The following TNNI3K variants were observed in gnomAD, a reference collection of about 807,000 sequenced individuals.
TNNI3K encodes the protein TNNI3 interacting kinase.
Under a neutral mutation model 114.5 loss-of-function variants are expected in TNNI3K, and 140 were observed. That is an observed-to-expected ratio of 1.22 (90% confidence interval 1.07 to 1.41). TNNI3K has a LOEUF of 1.41. Ranked by LOEUF, TNNI3K falls within the 40% of genes most tolerant of loss-of-function variation. The pLI, the probability that TNNI3K is intolerant of heterozygous loss-of-function variation, is 0.00. For missense variants in TNNI3K, 1,125 were observed against 1,007.6 expected, an observed-to-expected ratio of 1.12 and a Z score of -1.58; for synonymous variants, 347 against 347.5, an observed-to-expected ratio of 1.00 and a Z score of 0.02.
intron 5 of TNNI3K, among the ~76,000 whole-genome samples, chr1:74,293,263 G>T (rs1161244822): frequency 1.3e-5 from 2 of 151,562 alleles, no homozygotes; most frequent in Non-Finnish European, 3.0e-5. Context: ...CAAATATTAA[G>T]TGCCTGTATA....
At chr1:74,406,755 G>C (rs1217290312) in intron 17 of TNNI3K, among the ~76,000 whole-genome samples, 1 of 152,184 alleles carries the variant, frequency 6.6e-6, no homozygotes, top group Non-Finnish European at 1.5e-5. Flanking sequence ...GCCTACCACA[G>C]TTCCTATTAA....
intron 23 of TNNI3K, among the ~76,000 whole-genome samples, chr1:74,537,712 A>T (rs185254140): frequency 1.9e-4 from 29 of 152,242 alleles, no homozygotes; most frequent in Admixed American, 9.2e-4. Flanking sequence ...AATACAGATA[A>T]TTCTACCCTA....
chr1:74,332,957 A>C (rs929215863), intron 6 of TNNI3K, among the ~76,000 whole-genome samples: 1 of 19,292 alleles, frequency 5.2e-5, no homozygotes, highest in African/African-American at 9.1e-5. Flanking sequence ...TGAAAATAAC[A>C]AAAAAAAAAA....
At chr1:74,334,599 G>C (rs1173487723) in intron 6 of TNNI3K, among the ~76,000 whole-genome samples, 1 of 152,124 alleles carries the variant, frequency 6.6e-6, no homozygotes, top group African/African-American at 2.4e-5. Context: ...GTGACTCAAA[G>C]GAATTCCTAA....
At chr1:74,416,493 C>G in intron 17 of TNNI3K, 6 of 982,178 alleles carry the variant, frequency 6.1e-6, no homozygotes, top group Non-Finnish European at 7.3e-6. Flanking sequence ...AGGCTTTACA[C>G]TAGTAGGTGT....
In TNNI3K at chr1:74,380,204, C is replaced by T. The variant is rs79882464; in HGVS notation, c.1772+9812C>T. 6.3e-3 allele frequency among the ~76,000 whole-genome samples: 955 copies of T among 152,154 alleles called. 14 individuals carry two copies. The highest frequency in any genetic ancestry group is 0.022 in the African/African-American group (911 of 41,510). On this transcript the variant is annotated intron_variant, in intron 17 of 24. Transcript: ENST00000326637. Reference sequence around the variant, plus strand: ...ATGCCATTTGAAATGCTACACAAGACGATGTGTGTGTGCAAATAAATGTAT... The same window carrying T: ...ATGCCATTTGAAATGCTACACAAGATGATGTGTGTGTGCAAATAAATGTAT...
intron 4 of TNNI3K, among the ~76,000 whole-genome samples, chr1:74,265,508 A>G (rs995986975): frequency 6.6e-6 from 1 of 151,962 alleles, no homozygotes; most frequent in African/African-American, 2.4e-5. Context: ...CTGCCAGTGA[A>G]CTACCATCCT....
At chr1:74,494,130 G>T (rs1256055805) in intron 23 of TNNI3K, among the ~76,000 whole-genome samples, 2 of 152,032 alleles carry the variant, frequency 1.3e-5, no homozygotes, top group African/African-American at 4.8e-5. Context: ...CTCCGTCCAC[G>T]TGAGCACCAA....
At chr1:74,328,919 C>T (rs1660055554) in intron 5 of TNNI3K, among the ~76,000 whole-genome samples, 2 of 152,048 alleles carry the variant, frequency 1.3e-5, no homozygotes, top group South Asian at 2.1e-4. Context: ...GCTTAATCTA[C>T]CTTGATTGCT....
At chr1:74,341,766 T>G (rs1224106666) in intron 7 of TNNI3K, 1 of 152,080 alleles carries the variant, frequency 6.6e-6, no homozygotes, top group Non-Finnish European at 1.5e-5. Flanking sequence ...CTGCCACCCT[T>G]GCTAGGCACA....
chr1:74,447,364 A>C lies in TNNI3K; in HGVS notation c.2011+7742A>C, dbSNP rs183511450. Among the ~76,000 whole-genome samples, 382 of 150,058 alleles carry C rather than the reference A, an allele frequency of 2.5e-3. 30 individuals are homozygous for C. Among genetic ancestry groups the C allele is most frequent in the Middle Eastern group, 0.014 (4 of 294 alleles). ...GTTTGTCTGTTGTTGGTGTATAAGA[A>C]TGCTTGTGATTTTTCCAGAATCTAC... On this transcript the variant is annotated intron_variant, in intron 20 of 24. Coordinates refer to ENST00000326637, the MANE Select transcript of TNNI3K (RefSeq NM_015978.3).
chr1:74,475,294 C>T (rs1266630750), intron 21 of TNNI3K: 2 of 643,606 alleles, frequency 3.1e-6, no homozygotes, highest in Non-Finnish European at 5.7e-6. Context: ...GACAAACTCA[C>T]CTTCTGTTCT....
At chr1:74,348,277 T>A (rs1557511929) in intron 9 of TNNI3K, among the ~76,000 whole-genome samples, 1 of 152,242 alleles carries the variant, frequency 6.6e-6, no homozygotes, top group Non-Finnish European at 1.5e-5. Context: ...TTGCTTGTTT[T>A]TGTCAGGTTT....
chr1:74,316,626 C>T (rs1659318543), intron 5 of TNNI3K, among the ~76,000 whole-genome samples: 1 of 151,948 alleles, frequency 6.6e-6, no homozygotes, highest in South Asian at 2.1e-4. Context: ...CCTTCCAGAC[C>T]ATCCTAGCTC....
At chr1:74,503,144 A>C (rs181694770) in intron 23 of TNNI3K, among the ~76,000 whole-genome samples, 29 of 152,308 alleles carry the variant, frequency 1.9e-4, no homozygotes, top group Admixed American at 7.8e-4. Context: ...ACAATCTTTT[A>C]GCTGACATTT....
At chr1:74,422,945 G>A (rs1400415759) in intron 17 of TNNI3K, among the ~76,000 whole-genome samples, 2 of 152,082 alleles carry the variant, frequency 1.3e-5, no homozygotes, top group Non-Finnish European at 2.9e-5. Context: ...AAATCACTGG[G>A]TAACTTTCGG....
chr1:74,540,518 A>T (rs993681410), intron 24 of TNNI3K, among the ~76,000 whole-genome samples: 1 of 151,626 alleles, frequency 6.6e-6, no homozygotes, highest in African/African-American at 2.4e-5. Flanking sequence ...AGCATGTGTG[A>T]GTGTGCATGA....
chr1:74,327,613 A>G (rs960775485), intron 5 of TNNI3K, among the ~76,000 whole-genome samples: 2 of 142,964 alleles, frequency 1.4e-5, no homozygotes, highest in South Asian at 4.4e-4. Context: ...TTACTATTAT[A>G]TTAATAGTAT....
intron 5 of TNNI3K, among the ~76,000 whole-genome samples, chr1:74,299,727 T>C (rs1371406140): frequency 6.6e-6 from 1 of 152,112 alleles, no homozygotes; most frequent in Non-Finnish European, 1.5e-5. Flanking sequence ...CATCATGGTG[T>C]ATGTAGAAAA....
Sources: gnomAD v4.1 joint callset for allele counts (sites outside exome capture counted in the v4.1 genomes callset) on GRCh38, gnomAD v4.1.1 for gene constraint, MANE v1.5 for transcripts, NCBI Gene and HGNC (gene_info 2026-07-23, HGNC 2026-07-21) for gene names.